Variants in FAM151A observed in about 807,000 individuals in gnomAD.
FAM151A encodes family with sequence similarity 151 member A.
FAM151A carries 41 observed loss-of-function variants against 40.4 expected under a neutral mutation model. The ratio of observed to expected loss-of-function variants is 1.01; its 90% CI spans 0.79 to 1.32. FAM151A has a LOEUF of 1.32. FAM151A is among the 40% of genes most tolerant of loss of function. The pLI is 0.00. For synonymous variants in FAM151A, 337 were observed against 312.5 expected, an observed-to-expected ratio of 1.08 and a Z score of -0.83; for missense variants, 740 against 740.4, an observed-to-expected ratio of 1.00 and a Z score of 0.01.
Position 54,612,491 on chromosome 1 carries a change from A to T in FAM151A, c.795T>A (p.Ser265=). The T allele has an allele frequency of 6.2e-7, 1 of 1,613,372 alleles. No individual in the cohort carries two copies. Among genetic ancestry groups the T allele is most frequent in the Non-Finnish European group, 8.5e-7 (1 of 1,179,558 alleles). The stretch of plus-strand genomic sequence containing the variant: ...GTGGGTTTGGTGGTTTTCACCTCTC[A>T]GATTGGCTCAGCAGCCAGCTGAAGT... The part of the protein sequence containing the change: ...WPHFSWLLSQ[S]ERYSLTLWQA... Residue 265 remains serine (S), a synonymous_variant, in exon 5 of 8, where the codon TCT becomes TCA. Coordinates refer to ENST00000302250, the MANE Select transcript of FAM151A (RefSeq NM_176782.3).
chr1:54,617,890 C>T (rs1644190587), intron 2 of FAM151A, among the ~76,000 whole-genome samples: 1 of 151,538 alleles, frequency 6.6e-6, no homozygotes, highest in Non-Finnish European at 1.5e-5. Flanking sequence ...CCATGCACGG[C>T]TAATTTTTGT....
chr1:54,619,953 C>A lies in FAM151A; in HGVS notation c.173G>T (p.Ser58Ile). 4 of 1,614,188 alleles carry A rather than the reference C, an allele frequency of 2.5e-6. No homozygotes were observed. The highest frequency in any genetic ancestry group is 3.4e-6 in the Non-Finnish European group (4 of 1,180,028). The change falls in exon 2 of 8, where the codon AGC (serine) becomes ATC (isoleucine). Residue 58 changes from serine (S) to isoleucine (I), a missense_variant. By Grantham distance (142) the Ser-to-Ile change is moderately radical (BLOSUM62 -2). Coordinates refer to ENST00000302250, the MANE Select transcript of FAM151A (RefSeq NM_176782.3). ...PDADMLDYLL[S>I]LGQISRRDAL... ...ATCTCGCCGGCTGATCTGGCCCAGGCTCAGCAGGTAGTCCAGCATGTCGGC... is the reference window on the plus strand; with the variant it reads ...ATCTCGCCGGCTGATCTGGCCCAGGATCAGCAGGTAGTCCAGCATGTCGGC...
Position 54,610,756 on chromosome 1 carries a change from C to T in FAM151A, c.941-201G>A, listed in dbSNP as rs1214918597. 4.8e-5 allele frequency: 47 copies of T among 983,666 alleles called. No homozygotes were observed. The South Asian group carries it at 6.1e-4, about 13-fold the overall frequency. 60.9% of individuals were successfully genotyped at this position (983,666 alleles called of 1,614,324 possible). A position where few individuals can be genotyped will look rare whatever the true frequency, so the allele number is the denominator to read the frequency against. Reference sequence around the variant, plus strand: ...TCTTATAAGCAGTAAGCAAAGTTGCCAGGAGTGGAACCTGATGGGACCAGG... The same window carrying T: ...TCTTATAAGCAGTAAGCAAAGTTGCTAGGAGTGGAACCTGATGGGACCAGG... On this transcript the variant is annotated intron_variant, in intron 6 of 7. Coordinates refer to ENST00000302250, the MANE Select transcript of FAM151A (RefSeq NM_176782.3).
rs537478490 is a variant in FAM151A, at chr1:54,609,780, C to T, written c.1246G>A (p.Ala416Thr). 47 of 1,614,160 alleles carry T rather than the reference C, an allele frequency of 2.9e-5. 1 individual carries two copies. In the South Asian group the frequency reaches 4.7e-4, roughly 16 times the overall value. ...GATGGCCGGAGGGCTGCGGGCTCCG[C>T]TATTTGCAAATGGATGCCCCAGTGT... is the stretch of plus-strand genomic sequence containing the variant. ...PGHWGIHLQI[A>T]EPAALRPSLA... The change falls in exon 8 of 8, where the codon GCG becomes ACG. Residue 416 changes from alanine (A) to threonine (T), a missense_variant. Ala to Thr is a moderately conservative substitution (Grantham distance 58). Transcript: ENST00000302250.
chr1:54,610,865 T>A (rs1644110390), intron 6 of FAM151A: 1 of 985,226 alleles, frequency 1.0e-6, no homozygotes, highest in African/African-American at 1.7e-5. Flanking sequence ...GGGGCCTCTT[T>A]GAGATGGCTT....
At chr1:54,613,122 GTAATCCC>G (rs1557670394) in intron 4 of FAM151A, among the ~76,000 whole-genome samples, 6 of 152,080 alleles carry the variant, frequency 3.9e-5, no homozygotes, top group African/African-American at 1.4e-4. Context: ...GCTCACACCT[GTAATCCC>G]AGCACTTTGG....
intron 4 of FAM151A, among the ~76,000 whole-genome samples, chr1:54,613,484 C>T (rs928872673): frequency 6.6e-6 from 1 of 151,826 alleles, no homozygotes; most frequent in African/African-American, 2.4e-5. Context: ...TACGTGGTCT[C>T]GCTGTGTTGC....
intron 1 of FAM151A, 34 bp from the exon 2 acceptor site, chr1:54,620,041 TC>T: frequency 6.2e-7 from 1 of 1,606,996 alleles, no homozygotes; most frequent in Non-Finnish European, 8.5e-7. Flanking sequence ...TTAGCGTCTG[TC>T]CTCGCCCCAG....
chr1:54,610,321 C>T, intron 7 of FAM151A, 91 bp downstream of exon 7: 1 of 1,549,978 alleles, frequency 6.5e-7, no homozygotes. Flanking sequence ...ACCTGTGTTG[C>T]CATGGCAACA....
At chr1:54,617,317 T>C (rs929680254) in intron 2 of FAM151A, among the ~76,000 whole-genome samples, 1 of 152,152 alleles carries the variant, frequency 6.6e-6, no homozygotes, top group African/African-American at 2.4e-5. Context: ...AAACGACTGA[T>C]GCCAGAAGGG....
intron 2 of FAM151A, 72 bp downstream of exon 2, chr1:54,619,792 A>G: frequency 1.7e-5 from 25 of 1,476,486 alleles, no homozygotes; most frequent in Non-Finnish European, 2.3e-5. Flanking sequence ...CCAGTGTCTG[A>G]TCCTCACTTC....
intron 1 of FAM151A, among the ~76,000 whole-genome samples, chr1:54,622,407 G>A (rs940059092): frequency 4.6e-5 from 7 of 151,590 alleles, no homozygotes; most frequent in Non-Finnish European, 7.4e-5. Context: ...GGTGAAACCC[G>A]TCTGTACTAA....
In FAM151A at chr1:54,616,089, G is replaced by A. The variant is rs200866369; in HGVS notation, c.346C>T (p.Pro116Ser). Residue 116 changes from proline to serine, a missense_variant, in exon 3 of 8, where the codon CCC (proline) becomes TCC (serine). Physicochemically the swap from Pro to Ser is moderately conservative, Grantham distance 74 (BLOSUM62 -1). Coordinates refer to ENST00000302250, the MANE Select transcript of FAM151A (RefSeq NM_176782.3). ...NETGVPIMAH[P>S]PTIYSDNTLE... Reference sequence around the variant, plus strand: ...GTGTTGTCACTGTAGATAGTGGGGGGGTGTGCCATGATGGGAACTCCTGTC... The same window carrying A: ...GTGTTGTCACTGTAGATAGTGGGGGAGTGTGCCATGATGGGAACTCCTGTC... The A allele has an allele frequency of 1.9e-6, 3 of 1,614,114 alleles. No individual in the cohort carries two copies. The highest frequency in any genetic ancestry group is 2.5e-6 in the Non-Finnish European group (3 of 1,180,010).
chr1:54,610,365 C>T (rs2101013114), intron 7 of FAM151A, 47 bp downstream of exon 7: 1 of 1,599,440 alleles, frequency 6.3e-7, no homozygotes, highest in East Asian at 2.2e-5. Context: ...GCAAAGGACA[C>T]CCCTGCAGAT....
At chr1:54,611,949 C>T (rs997128192) in intron 5 of FAM151A, among the ~76,000 whole-genome samples, 7 of 151,988 alleles carry the variant, frequency 4.6e-5, no homozygotes, top group Non-Finnish European at 1.0e-4. Flanking sequence ...AAAGCAGAGG[C>T]CCAGGAGGGA....
At chr1:54,610,624 TC>T (rs1644108044) in intron 6 of FAM151A, 69 bp from the exon 7 acceptor site, 1 of 1,568,608 alleles carries the variant, frequency 6.4e-7, no homozygotes, top group African/African-American at 1.3e-5. Flanking sequence ...GTTGCTAGGG[TC>T]CCATAGGCCA....
chr1:54,612,797 G>A, intron 4 of FAM151A, 87 bp from the exon 5 acceptor site: 3 of 959,562 alleles, frequency 3.1e-6, no homozygotes, highest in Non-Finnish European at 4.9e-6. Context: ...CTAGGGAGTG[G>A]CAGAGCCTAT....
chr1:54,620,845 CAAAAAAAAAAA>C (rs767625864), intron 1 of FAM151A, among the ~76,000 whole-genome samples: 80 of 12,122 alleles, frequency 6.6e-3, no homozygotes, highest in African/African-American at 0.018. Context: ...GAGACTCTGT[CAAAAAAAAAAA>C]AAAAAAAAAA....
Position 54,620,153 on chromosome 1 carries a change from C to T in FAM151A, c.119-146G>A, listed in dbSNP as rs868766563. 44 of 858,660 alleles carry T rather than the reference C, an allele frequency of 5.1e-5. No homozygotes were observed. In the Middle Eastern group the frequency reaches 1.0e-3, roughly 20 times the overall value. 53.2% of individuals were successfully genotyped at this position (858,660 alleles called of 1,614,324 possible). The stretch of plus-strand genomic sequence containing the variant: ...ACGGTGAGGCTCAGACTCACTGGTG[C>T]TACAATAGAGGGAAATGAATGGGCT... On this transcript the variant is annotated intron_variant, in intron 1 of 7. Coordinates refer to ENST00000302250, the MANE Select transcript of FAM151A (RefSeq NM_176782.3).
Sources: gnomAD v4.1 joint callset for allele counts (sites outside exome capture counted in the v4.1 genomes callset) on GRCh38, gnomAD v4.1.1 for gene constraint, MANE v1.5 for transcripts, NCBI Gene and HGNC (gene_info 2026-07-23, HGNC 2026-07-21) for gene names.